Variants in CREB5 observed in about 807,000 individuals in gnomAD.
The protein encoded by CREB5 is cyclic AMP-responsive element-binding protein 5.
CREB5 carries 19 observed loss-of-function variants against 57.1 expected under a neutral mutation model. That is an observed-to-expected ratio of 0.33 (90% CI 0.23 to 0.49). The LOEUF (loss-of-function observed/expected upper bound fraction) is 0.49. CREB5 is among the 20% of genes least tolerant of loss of function. CREB5 has a pLI of 0.99. For synonymous variants in CREB5, 238 were observed against 238.3 expected, an observed-to-expected ratio of 1.00 and a Z score of 0.01; for missense variants, 579 against 671.6, an observed-to-expected ratio of 0.86 and a Z score of 1.52.
chr7:28,814,681 A>G (rs1809323830), intron 9 of CREB5, among the ~76,000 whole-genome samples: 1 of 152,194 alleles, frequency 6.6e-6, no homozygotes, highest in African/African-American at 2.4e-5. Flanking sequence ...TCTTTCTGGA[A>G]GGAACTTTCT....
intron 5 of CREB5, among the ~76,000 whole-genome samples, chr7:28,625,604 G>A (rs1026854999): frequency 1.1e-4 from 17 of 152,164 alleles, no homozygotes; most frequent in Non-Finnish European, 1.6e-4. Flanking sequence ...TCTGTTTGCT[G>A]AATTCCATAC....
chr7:28,721,051 G>A (rs975737652), intron 6 of CREB5, among the ~76,000 whole-genome samples: 3 of 152,162 alleles, frequency 2.0e-5, no homozygotes, highest in African/African-American at 7.2e-5. Flanking sequence ...GCATGGTCAA[G>A]AGCTCCCAAA....
chr7:28,436,430 A>G (rs1015744760), intron 1 of CREB5, among the ~76,000 whole-genome samples: 1 of 152,194 alleles, frequency 6.6e-6, no homozygotes, highest in African/African-American at 2.4e-5. Context: ...TTAAGTGGGC[A>G]CAGAACGGGG....
At chr7:28,569,022 C>T (rs1367329628) in intron 4 of CREB5, among the ~76,000 whole-genome samples, 1 of 152,174 alleles carries the variant, frequency 6.6e-6, no homozygotes, top group Non-Finnish European at 1.5e-5. Flanking sequence ...CATCTTCAAC[C>T]CATTGTCCAA....
chr7:28,606,094 C>G (rs930640293), intron 5 of CREB5, among the ~76,000 whole-genome samples: 2 of 152,128 alleles, frequency 1.3e-5, no homozygotes, highest in African/African-American at 4.8e-5. Flanking sequence ...TACCAGCTCT[C>G]TAATTGTCCT....
chr7:28,560,843 T>TGCGTGC (rs1795098141), intron 4 of CREB5, among the ~76,000 whole-genome samples: 1 of 76,288 alleles, frequency 1.3e-5, no homozygotes, highest in African/African-American at 4.9e-5. Context: ...CGTGTGTGTG[T>TGCGTGC]GCGCGTGTGT....
At chr7:28,696,192 T>C (rs1395231952) in intron 5 of CREB5, among the ~76,000 whole-genome samples, 1 of 152,220 alleles carries the variant, frequency 6.6e-6, no homozygotes, top group Non-Finnish European at 1.5e-5. Context: ...GGAGATGAAC[T>C]ATTGTGCCTC....
intron 4 of CREB5, among the ~76,000 whole-genome samples, chr7:28,527,099 C>G (rs749335718): frequency 6.6e-6 from 1 of 152,174 alleles, no homozygotes; most frequent in Non-Finnish European, 1.5e-5. Context: ...GACATACACC[C>G]TTTAGTGAAA....
chr7:28,319,951 G>A (rs1370736895), intron 1 of CREB5, among the ~76,000 whole-genome samples: 4 of 151,224 alleles, frequency 2.6e-5, no homozygotes. Flanking sequence ...AATTTTTTGA[G>A]ACAAGTTCTC....
chr7:28,452,586 C>T (rs147838033), intron 1 of CREB5, among the ~76,000 whole-genome samples: 113 of 152,280 alleles, frequency 7.4e-4, no homozygotes, highest in African/African-American at 2.7e-3. Flanking sequence ...AGGATCCAGG[C>T]ACTAGGAACA....
intron 5 of CREB5, among the ~76,000 whole-genome samples, chr7:28,689,151 A>G (rs1218301839): frequency 2.0e-5 from 3 of 152,136 alleles, no homozygotes; most frequent in African/African-American, 4.8e-5. Context: ...TTTTATTCAG[A>G]TAAGTATACA....
At chr7:28,617,268 G>T (rs774223601) in intron 5 of CREB5, among the ~76,000 whole-genome samples, 2 of 152,196 alleles carry the variant, frequency 1.3e-5, no homozygotes, top group African/African-American at 4.8e-5. Context: ...TTGTAGAAAC[G>T]AAAACCTGAT....
At chr7:28,588,254 A>G (rs750833127) in intron 5 of CREB5, among the ~76,000 whole-genome samples, 4 of 152,204 alleles carry the variant, frequency 2.6e-5, no homozygotes, top group Admixed American at 2.0e-4. Context: ...TATATTGTAA[A>G]GTCAGATCTT....
intron 7 of CREB5, among the ~76,000 whole-genome samples, chr7:28,786,616 A>C (rs1481557966): frequency 6.6e-6 from 1 of 152,210 alleles, no homozygotes; most frequent in Non-Finnish European, 1.5e-5. Flanking sequence ...TATAGATAAA[A>C]GATAGGGTGG....
chr7:28,578,350 G>T (rs1000360681), intron 5 of CREB5, among the ~76,000 whole-genome samples: 1 of 152,232 alleles, frequency 6.6e-6, no homozygotes, highest in African/African-American at 2.4e-5. Flanking sequence ...GGTGTTTAGA[G>T]AGAGTCCCAT....
chr7:28,328,094 C>T (rs920366529), intron 1 of CREB5, among the ~76,000 whole-genome samples: 4 of 152,158 alleles, frequency 2.6e-5, no homozygotes, highest in African/African-American at 7.2e-5. Flanking sequence ...GGGCCTATCT[C>T]CTACTTGCTT....
chr7:28,555,584 C>A (rs1316142348), intron 4 of CREB5, among the ~76,000 whole-genome samples: 1 of 152,126 alleles, frequency 6.6e-6, no homozygotes. Flanking sequence ...AAACGTATTT[C>A]TTTACATATA....
chr7:28,733,484 C>T (rs1472702729), intron 7 of CREB5, among the ~76,000 whole-genome samples: 1 of 152,190 alleles, frequency 6.6e-6, no homozygotes, highest in Non-Finnish European at 1.5e-5. Flanking sequence ...GGCTGCCCCG[C>T]CTAGACTTGC....
At chr7:28,489,296 C>CT (rs70977046) in intron 2 of CREB5, among the ~76,000 whole-genome samples, 1,179 of 96,594 alleles carry the variant, frequency 0.012, 53 homozygotes, top group East Asian at 0.024. Context: ...GAGGACCCTT[C>CT]TTTTTTTTTT....
Sources: gnomAD v4.1 joint callset for allele counts (sites outside exome capture counted in the v4.1 genomes callset) on GRCh38, gnomAD v4.1.1 for gene constraint, MANE v1.5 for transcripts, NCBI Gene and HGNC (gene_info 2026-07-23, HGNC 2026-07-21) for gene names.